Variants in HERC1 observed in about 807,000 individuals in gnomAD.
HERC1 encodes HECT and RLD domain containing E3 ubiquitin protein ligase family member 1, also known as probable E3 ubiquitin-protein ligase HERC1.
A neutral mutation model predicts 554.3 loss-of-function variants in HERC1; 160 were observed. The observed-to-expected ratio is 0.29, with a 90% confidence interval of 0.25 to 0.33. HERC1 has a LOEUF of 0.33. Among genes scored for constraint, HERC1 ranks in the 10% least tolerant of loss-of-function variants. HERC1 has a pLI of 1.00. For missense variants in HERC1, 4,919 were observed against 5,918.5 expected (o/e 0.83, Z 5.54); for synonymous variants, 2,175 against 2,131.7 (o/e 1.02, Z -0.56).
chr15:63,669,509 G>A (rs1474284224), intron 40 of HERC1, 29 bp downstream of exon 40: 1 of 1,602,384 alleles, frequency 6.2e-7, no homozygotes, highest in Admixed American at 1.7e-5. Context: ...GCCAACTTTG[G>A]ATATCATAGT....
chr15:63,627,657 A>T (rs1199689653), intron 70 of HERC1, among the ~76,000 whole-genome samples: 2 of 151,624 alleles, frequency 1.3e-5, no homozygotes, highest in African/African-American at 4.9e-5. Flanking sequence ...CTGGGCAACA[A>T]AGTGAGACTC....
chr15:63,645,463 G>C lies in HERC1; in HGVS notation c.11078+20C>G. On this transcript the variant is annotated intron_variant, in intron 56 of 77. Coordinates refer to ENST00000443617, the MANE Select transcript of HERC1 (RefSeq NM_003922.4). ...ACCAATATAAAAACTAAGACGTATA[G>C]ATGCAAATTGACAACATACGTAGCC... The C allele has an allele frequency of 1.3e-6, 2 of 1,580,464 alleles. No homozygotes were observed. Among genetic ancestry groups the C allele is most frequent in the Non-Finnish European group, 1.7e-6 (2 of 1,159,764 alleles).
chr15:63,616,389 G>GTGCATAT, intron 75 of HERC1, 41 bp downstream of exon 75: 1 of 1,589,468 alleles, frequency 6.3e-7, no homozygotes, highest in South Asian at 1.1e-5. Context: ...GTGCATATAG[G>GTGCATAT]ACGTCAACAC....
At position 63,680,569 on chromosome 15, in the gene HERC1, C is replaced by T. The variant is rs2071429854; in HGVS notation, c.6433G>A (p.Ala2145Thr). ...DFITCVLDME[A>T]RTISFGKNGE... ...TTTTTCCCAAAAGAAATGGTCCTGG[C>T]TTCCATGTCTAACACACAGGTAATG... The change falls in exon 35 of 78, where the codon GCC becomes ACC. Residue 2145 changes from alanine to threonine, a missense_variant. Physicochemically the swap from Ala to Thr is moderately conservative, Grantham distance 58 (BLOSUM62 0). This residue lies in a region of HERC1 where 85 missense variants were observed against 163.2 expected (regional missense o/e 0.52). Transcript: ENST00000443617. This position sits in a 1 kb window ranked among gnomAD's most constrained non-coding sequence, Gnocchi z 5.8. 6.2e-7 allele frequency: 1 copy of T among 1,613,640 alleles called. No homozygotes were observed. The highest frequency in any genetic ancestry group is 8.5e-7 in the Non-Finnish European group (1 of 1,179,744).
In HERC1 at chr15:63,652,313, A is replaced by C. The variant is rs77248963; in HGVS notation, c.10418+101T>G. The C allele has an allele frequency of 2.7e-3, 3,010 of 1,135,556 alleles. 64 individuals are homozygous for C. In the African/African-American group the frequency reaches 0.044, roughly 16 times the overall value. The allele number at this position is 1,135,556 out of a possible 1,614,324, so 70.3% of individuals were successfully genotyped here. ...TAATACTAATCTAAAAGAAAATTTC[A>C]AAAAATTTTAGTGACAATATGATTA... On this transcript the variant is annotated intron_variant, in intron 52 of 77. Coordinates refer to ENST00000443617, the MANE Select transcript of HERC1 (RefSeq NM_003922.4).
At position 63,729,226 on chromosome 15, in the gene HERC1, C is replaced by T. The variant is rs1244235904; in HGVS notation, c.3154+10G>A. The T allele has an allele frequency of 2.5e-6, 4 of 1,588,878 alleles. No homozygotes were observed. Among genetic ancestry groups the T allele is most frequent in the South Asian group, 1.2e-5 (1 of 86,132 alleles). On this transcript the variant is annotated intron_variant, in intron 16 of 77. Transcript: ENST00000443617. Reference sequence around the variant, plus strand: ...GACTGATTAAATTTGAAATGAAATACCAAACTCACCTCTTAATTTTTCTCC... The same window carrying T: ...GACTGATTAAATTTGAAATGAAATATCAAACTCACCTCTTAATTTTTCTCC...
chr15:63,826,806 AAAAAAAAAATAT>A (rs1380323137), intron 1 of HERC1, among the ~76,000 whole-genome samples: 121 of 57,840 alleles, frequency 2.1e-3, no homozygotes, highest in Middle Eastern at 8.6e-3. Flanking sequence ...AAAAAAAAAA[AAAAAAAAAATAT>A]ATATATATAT....
chr15:63,822,953 A>G (rs1305203531), intron 1 of HERC1, among the ~76,000 whole-genome samples: 1 of 152,230 alleles, frequency 6.6e-6, no homozygotes, highest in Non-Finnish European at 1.5e-5. Flanking sequence ...CCATTTATTA[A>G]TACTAAGAGC....
chr15:63,785,168 T>C (rs1274299850), intron 1 of HERC1, among the ~76,000 whole-genome samples: 1 of 152,206 alleles, frequency 6.6e-6, no homozygotes, highest in African/African-American at 2.4e-5. Flanking sequence ...CTCACTCCTA[T>C]AATCCCAACA....
intron 12 of HERC1, among the ~76,000 whole-genome samples, chr15:63,736,624 T>C (rs1264083653): frequency 6.6e-6 from 1 of 152,036 alleles, no homozygotes; most frequent in Non-Finnish European, 1.5e-5. Flanking sequence ...TTTTTTTTTT[T>C]TGAGACGGAG....
chr15:63,658,490 G>A (rs2152921622), intron 48 of HERC1, 54 bp downstream of exon 48: 4 of 1,498,898 alleles, frequency 2.7e-6, no homozygotes, highest in South Asian at 2.5e-5. Flanking sequence ...CAGACTTCCA[G>A]CTAATGTACA....
chr15:63,692,676 T>C lies in HERC1; in HGVS notation c.5675-110A>G. On this transcript the variant is annotated intron_variant, in intron 30 of 77. Transcript: ENST00000443617. The surrounding 1 kb of genome is among the most constrained non-coding windows in gnomAD (Gnocchi z 4.7). ...TAAGCACAAATCTAATGCAAAATCT[T>C]AGGCTGTCAGCTACTGAATTCTGAA... 1.1e-6 allele frequency: 1 copy of C among 929,518 alleles called. No individual in the cohort carries two copies. Among genetic ancestry groups the C allele is most frequent in the East Asian group, 2.7e-5 (1 of 36,448 alleles). 57.6% of individuals were successfully genotyped at this position (929,518 alleles called of 1,614,324 possible).
chr15:63,721,111 A>C (rs1187146820), intron 19 of HERC1, among the ~76,000 whole-genome samples: 2 of 152,208 alleles, frequency 1.3e-5, no homozygotes, highest in African/African-American at 4.8e-5. Context: ...CATCCCAAGC[A>C]AATGTTACAA....
At chr15:63,633,742 A>T (rs1340875308) in intron 67 of HERC1, 106 bp downstream of exon 67, 1 of 1,194,154 alleles carries the variant, frequency 8.4e-7, no homozygotes, top group Non-Finnish European at 1.2e-6. Context: ...TTCATTATGA[A>T]CTACCAAAAG....
intron 24 of HERC1, among the ~76,000 whole-genome samples, chr15:63,708,316 C>T (rs1436231948): frequency 1.3e-5 from 2 of 152,122 alleles, no homozygotes; most frequent in African/African-American, 4.8e-5. Flanking sequence ...TTATGTAACT[C>T]ATTATGCTTT....
At chr15:63,741,646 T>G (rs1378224526) in intron 12 of HERC1, among the ~76,000 whole-genome samples, 1 of 152,196 alleles carries the variant, frequency 6.6e-6, no homozygotes, top group Non-Finnish European at 1.5e-5. Flanking sequence ...TATATTTAGG[T>G]CTTTAATCCA....
intron 71 of HERC1, among the ~76,000 whole-genome samples, chr15:63,625,601 G>A (rs1301644327): frequency 6.6e-6 from 1 of 151,834 alleles, no homozygotes; most frequent in African/African-American, 2.4e-5. Flanking sequence ...GGCTGAGGCA[G>A]GAGAATTGCT....
At chr15:63,691,967 G>A (rs967689939) in intron 31 of HERC1, among the ~76,000 whole-genome samples, 1 of 152,202 alleles carries the variant, frequency 6.6e-6, no homozygotes, top group Admixed American at 6.5e-5. Context: ...AAGGACCAGG[G>A]ATTAAGCTTA....
chr15:63,701,817 AT>A lies in HERC1; in HGVS notation c.4637-2822del, dbSNP rs200026752. Among the ~76,000 whole-genome samples, 184 of 150,704 alleles carry A rather than the reference AT, an allele frequency of 1.2e-3. 1 individual carries two copies. The highest frequency in any genetic ancestry group is 4.3e-3 in the African/African-American group (176 of 41,168). On this transcript the variant is annotated intron_variant, in intron 25 of 77. Transcript: ENST00000443617. Reference sequence around the variant, plus strand: ...GGAAATGGGAGAGGAAAGAACTTTAATTTTTTTTTTAAGTATAACAATCTGA... The same window carrying A: ...GGAAATGGGAGAGGAAAGAACTTTAATTTTTTTTTAAGTATAACAATCTGA...
Sources: gnomAD v4.1 joint callset for allele counts (sites outside exome capture counted in the v4.1 genomes callset) on GRCh38, gnomAD v4.1.1 for gene constraint, gnomAD v4.1.1 regional missense constraint, Gnocchi (gnomAD v3.1) non-coding constraint, MANE v1.5 for transcripts, NCBI Gene and HGNC (gene_info 2026-07-23, HGNC 2026-07-21) for gene names.